Variants in TOX observed in about 807,000 individuals in gnomAD.
TOX encodes thymocyte selection-associated high mobility group box protein TOX.
A neutral mutation model predicts 53.7 loss-of-function variants in TOX; 11 were observed. The ratio of observed to expected loss-of-function variants is 0.20; its 90% CI spans 0.13 to 0.34. The LOEUF (loss-of-function observed/expected upper bound fraction) is 0.34. Among genes scored for constraint, TOX ranks in the 10% least tolerant of loss-of-function variants. The pLI, the probability that TOX is intolerant of heterozygous loss-of-function variation, is 1.00. For synonymous variants in TOX, 225 were observed against 245.3 expected (o/e 0.92, Z 0.77); for missense variants, 570 against 664.6 (o/e 0.86, Z 1.56).
At chr8:59,074,513 C>A (rs940656440) in intron 1 of TOX, among the ~76,000 whole-genome samples, 1 of 152,092 alleles carries the variant, frequency 6.6e-6, no homozygotes, top group East Asian at 1.9e-4. Flanking sequence ...TGGCCCCCGA[C>A]GGATGAATCT....
intron 1 of TOX, among the ~76,000 whole-genome samples, chr8:59,039,043 T>C (rs796606747): frequency 1.3e-5 from 2 of 152,224 alleles, no homozygotes; most frequent in South Asian, 4.1e-4. Flanking sequence ...ATCTACCAAA[T>C]GACAGTTGGG....
intron 3 of TOX, among the ~76,000 whole-genome samples, chr8:58,901,871 T>C (rs1456937161): frequency 6.6e-6 from 1 of 152,164 alleles, no homozygotes; most frequent in African/African-American, 2.4e-5. Flanking sequence ...GGACAGACTT[T>C]ACAAAAAGGT....
intron 1 of TOX, among the ~76,000 whole-genome samples, chr8:58,987,090 C>T (rs375802151): frequency 1.3e-4 from 20 of 152,318 alleles, no homozygotes; most frequent in Non-Finnish European, 2.5e-4. Context: ...AGAAGAGATT[C>T]GTTTTCTTTA....
chr8:58,964,941 C>T (rs1198689559), intron 1 of TOX, among the ~76,000 whole-genome samples: 5 of 151,972 alleles, frequency 3.3e-5, no homozygotes, highest in African/African-American at 7.3e-5. Flanking sequence ...ATTCTAATGA[C>T]CCCACTTCAC....
chr8:59,098,124 C>A (rs1009503683), intron 1 of TOX, among the ~76,000 whole-genome samples: 3 of 152,058 alleles, frequency 2.0e-5, no homozygotes, highest in Non-Finnish European at 2.9e-5. Flanking sequence ...CCTACAGGAA[C>A]AGCCAAAAAG....
chr8:59,090,115 G>C (rs953643383), intron 1 of TOX, among the ~76,000 whole-genome samples: 1 of 152,224 alleles, frequency 6.6e-6, no homozygotes, highest in African/African-American at 2.4e-5. Flanking sequence ...ATATTGAAGG[G>C]CTTCTCAGAG....
chr8:58,862,597 TAAAG>T (rs1264280965), intron 3 of TOX, among the ~76,000 whole-genome samples: 1 of 152,164 alleles, frequency 6.6e-6, no homozygotes, highest in African/African-American at 2.4e-5. Context: ...AAACTTCTAA[TAAAG>T]AAAGAGAATA....
At chr8:58,853,821 A>G (rs1315548396) in intron 3 of TOX, among the ~76,000 whole-genome samples, 1 of 152,220 alleles carries the variant, frequency 6.6e-6, no homozygotes, top group Non-Finnish European at 1.5e-5. Context: ...TTTATGAAAT[A>G]ATACTAACTT....
chr8:59,101,802 CT>C (rs1461738184), intron 1 of TOX, among the ~76,000 whole-genome samples: 1 of 152,098 alleles, frequency 6.6e-6, no homozygotes, highest in East Asian at 1.9e-4. Flanking sequence ...CAAACAAAAC[CT>C]TTTATTTTTA....
intron 4 of TOX, among the ~76,000 whole-genome samples, chr8:58,848,132 C>T (rs1001837419): frequency 4.6e-5 from 7 of 151,708 alleles, no homozygotes; most frequent in African/African-American, 1.2e-4. Context: ...ATAAATTGAA[C>T]GGAAGGTGTA....
chr8:58,896,657 G>C (rs887948420), intron 3 of TOX, among the ~76,000 whole-genome samples: 3 of 150,044 alleles, frequency 2.0e-5, no homozygotes, highest in African/African-American at 4.9e-5. Flanking sequence ...TCTGGTGACA[G>C]AGCGAGAATC....
chr8:59,041,372 C>G (rs115185462), intron 1 of TOX, among the ~76,000 whole-genome samples: 1 of 151,890 alleles, frequency 6.6e-6, no homozygotes, highest in Non-Finnish European at 1.5e-5. Flanking sequence ...GGCAGGAGTC[C>G]GTGACCTGTT....
chr8:59,041,622 G>GC (rs1362355727), intron 1 of TOX, among the ~76,000 whole-genome samples: 6 of 152,182 alleles, frequency 3.9e-5, no homozygotes, highest in African/African-American at 1.4e-4. Context: ...ATAAACTCCA[G>GC]CAAGTTCTTC....
intron 1 of TOX, among the ~76,000 whole-genome samples, chr8:59,024,488 T>G (rs1814199814): frequency 6.6e-6 from 1 of 152,202 alleles, no homozygotes. Flanking sequence ...TCTTAAATTC[T>G]TAAGAGTAGG....
intron 3 of TOX, among the ~76,000 whole-genome samples, chr8:58,858,150 G>A (rs563813026): frequency 1.3e-5 from 2 of 152,060 alleles, no homozygotes; most frequent in South Asian, 2.1e-4. Context: ...AAATGAGTAA[G>A]ATTTTGGTGT....
At chr8:58,872,343 A>G (rs896874219) in intron 3 of TOX, among the ~76,000 whole-genome samples, 1 of 152,208 alleles carries the variant, frequency 6.6e-6, no homozygotes, top group Non-Finnish European at 1.5e-5. Context: ...CTCCAATGCC[A>G]AAGAATTTCA....
At chr8:58,808,045 G>GT (rs753705909) in intron 8 of TOX, 73 bp downstream of exon 8, 50 of 1,529,892 alleles carry the variant, frequency 3.3e-5, no homozygotes, top group Non-Finnish European at 4.3e-5. Flanking sequence ...GGAAACAAGA[G>GT]AACGATCAAC....
intron 3 of TOX, among the ~76,000 whole-genome samples, chr8:58,888,291 T>C (rs1025420062): frequency 6.6e-6 from 1 of 152,026 alleles, no homozygotes; most frequent in Non-Finnish European, 1.5e-5. Flanking sequence ...GAATACCCCA[T>C]TTATAATAGC....
At chr8:58,996,713 T>A (rs995270920) in intron 1 of TOX, among the ~76,000 whole-genome samples, 3 of 152,232 alleles carry the variant, frequency 2.0e-5, no homozygotes, top group African/African-American at 7.2e-5. Flanking sequence ...AAATACTTTT[T>A]ATCGGCAATT....
Sources: gnomAD v4.1 joint callset for allele counts (sites outside exome capture counted in the v4.1 genomes callset) on GRCh38, gnomAD v4.1.1 for gene constraint, MANE v1.5 for transcripts, NCBI Gene and HGNC (gene_info 2026-07-23, HGNC 2026-07-21) for gene names.